ARHGEF12: variants seen among roughly 807,000 people sequenced by gnomAD.
ARHGEF12 encodes Rho guanine nucleotide exchange factor 12.
In ARHGEF12, 66 loss-of-function variants were observed where a neutral mutation model predicts 211.2. The observed-to-expected ratio is 0.31, with a 90% CI of 0.26 to 0.38. The LOEUF (loss-of-function observed/expected upper bound fraction) is 0.38. ARHGEF12 is among the 10% of genes least tolerant of loss of function. The pLI is 1.00. For synonymous variants in ARHGEF12, 592 were observed against 638.4 expected (o/e 0.93, Z 1.09); for missense variants, 1,429 against 1,869.5 (o/e 0.76, Z 4.34).
chr11:120,439,690 T>G (rs2135773522), intron 12 of ARHGEF12: 1 of 152,906 alleles, frequency 6.5e-6, no homozygotes, highest in African/African-American at 2.4e-5. Context: ...CTGCTCTTAT[T>G]TTTCCTTTCT....
At chr11:120,363,156 A>G (rs931525900) in intron 1 of ARHGEF12, among the ~76,000 whole-genome samples, 2 of 152,324 alleles carry the variant, frequency 1.3e-5, no homozygotes, top group Non-Finnish European at 2.9e-5. Context: ...AAAATTGGCA[A>G]ATGAATGTAC....
chr11:120,437,413 T>C (rs776923900), intron 12 of ARHGEF12, 31 bp downstream of exon 12: 1 of 1,552,160 alleles, frequency 6.4e-7, no homozygotes, highest in East Asian at 2.3e-5. Context: ...ATGATAGTGC[T>C]GTCTTTGGCT....
At chr11:120,448,120 G>T (rs1385462315) in intron 19 of ARHGEF12, 114 bp from the exon 20 acceptor site, 6 of 852,486 alleles carry the variant, frequency 7.0e-6, no homozygotes, top group Non-Finnish European at 1.1e-5. Flanking sequence ...TTTAGTGTTT[G>T]TTTGATTTAT....
At chr11:120,344,751 ATGTT>A (rs1386519856) in intron 1 of ARHGEF12, among the ~76,000 whole-genome samples, 4 of 152,212 alleles carry the variant, frequency 2.6e-5, no homozygotes, top group African/African-American at 9.7e-5. Context: ...AGTTAAATGA[ATGTT>A]TGTGAAGTGC....
chr11:120,411,620 C>T lies in ARHGEF12; in HGVS notation c.199+2170C>T, dbSNP rs1397970664. 2.9e-5 allele frequency: 3 copies of T among 105,010 alleles called. No individual in the cohort carries two copies. In the Admixed American group the frequency reaches 4.3e-4, roughly 15 times the overall value. 6.5% of individuals were successfully genotyped at this position (105,010 alleles called of 1,614,324 possible). ...TTTTTTTTTTTTTGAGACAAGATCT[C>T]GCTGTGTGGCCCAGGATGGAGTATA... On this transcript the variant is annotated intron_variant, in intron 4 of 40. Transcript: ENST00000397843.
At chr11:120,342,339 G>C (rs371689196) in intron 1 of ARHGEF12, among the ~76,000 whole-genome samples, 23 of 152,234 alleles carry the variant, frequency 1.5e-4, no homozygotes, top group African/African-American at 5.1e-4. Flanking sequence ...CTTGCTGTCA[G>C]GAAGTTTTTC....
intron 4 of ARHGEF12, chr11:120,411,430 C>G (rs1944877249): frequency 6.6e-6 from 1 of 151,936 alleles, no homozygotes; most frequent in African/African-American, 2.4e-5. Context: ...ATCATAGCAA[C>G]TGGTGACATT....
At chr11:120,434,886 A>C (rs894574642) in intron 11 of ARHGEF12, among the ~76,000 whole-genome samples, 14 of 152,208 alleles carry the variant, frequency 9.2e-5, no homozygotes, top group Non-Finnish European at 1.6e-4. Context: ...CTGAGAACCT[A>C]GTCTCAGCAG....
rs774824732 is a variant in ARHGEF12, at chr11:120,457,719, A to G, written c.2190-2A>G. The G allele has an allele frequency of 4.4e-6, 7 of 1,605,740 alleles. No homozygotes were observed. The highest frequency in any genetic ancestry group is 6.0e-6 in the Non-Finnish European group (7 of 1,176,030). On this transcript the variant is annotated splice_acceptor_variant, in intron 23 of 40. Coordinates refer to ENST00000397843, the MANE Select transcript of ARHGEF12 (RefSeq NM_015313.3). LOFTEE classifies it high-confidence loss of function. ...GTTACTCTTTACTTTCCATTGTTTT[A>G]GGGTGACTGAACATGGGACACCAAA...
At chr11:120,464,770 C>G in intron 27 of ARHGEF12, 1 of 154,454 alleles carries the variant, frequency 6.5e-6, no homozygotes, top group Non-Finnish European at 1.4e-5. Flanking sequence ...ACTTTGGGGA[C>G]ACCAAGGTGG....
At chr11:120,444,961 G>A (rs1173528939) in intron 15 of ARHGEF12, among the ~76,000 whole-genome samples, 1 of 152,152 alleles carries the variant, frequency 6.6e-6, no homozygotes, top group Non-Finnish European at 1.5e-5. Context: ...ATAGGAAAAC[G>A]ATTAGGAATA....
At position 120,485,434 on chromosome 11, in the gene ARHGEF12, C is replaced by T. The variant is rs1368267235; in HGVS notation, c.*357C>T. On this transcript the variant is annotated 3_prime_UTR_variant, in exon 41 of 41. Coordinates refer to ENST00000397843, the MANE Select transcript of ARHGEF12 (RefSeq NM_015313.3). ...CAGATGTATTTATTTGACTTCATTCCGTATTTGAAAGCACATTTTAATTTT... is the reference window on the plus strand; with the variant it reads ...CAGATGTATTTATTTGACTTCATTCTGTATTTGAAAGCACATTTTAATTTT... The T allele has an allele frequency of 2.7e-5, 7 of 256,424 alleles. No homozygotes were observed. Among genetic ancestry groups the T allele is most frequent in the African/African-American group, 1.3e-4 (6 of 46,058 alleles). The allele number at this position is 256,424 out of a possible 1,614,324, so 15.9% of individuals were successfully genotyped here.
intron 1 of ARHGEF12, among the ~76,000 whole-genome samples, chr11:120,355,948 A>G (rs537495204): frequency 6.6e-6 from 1 of 152,344 alleles, no homozygotes; most frequent in Admixed American, 6.5e-5. Context: ...ATTCAAGGCC[A>G]AAGGTAGAAT....
In ARHGEF12 at chr11:120,337,126, G is replaced by T; in HGVS notation, c.-118G>T. On this transcript the variant is annotated 5_prime_UTR_variant, in exon 1 of 41. Coordinates refer to ENST00000397843, the MANE Select transcript of ARHGEF12 (RefSeq NM_015313.3). ...TCTAGATGACTGAATGGAGTTTTGA[G>T]TTGGACTTTTGTGTCCCTGACGGAG... The T allele has an allele frequency of 7.9e-7, 1 of 1,265,276 alleles. No individual in the cohort carries two copies. Among genetic ancestry groups the T allele is most frequent in the Non-Finnish European group, 1.2e-6 (1 of 868,784 alleles). The allele number at this position is 1,265,276 out of a possible 1,614,324, so 78.4% of individuals were successfully genotyped here.
At chr11:120,371,143 G>A (rs1943577764) in intron 1 of ARHGEF12, among the ~76,000 whole-genome samples, 2 of 152,076 alleles carry the variant, frequency 1.3e-5, no homozygotes, top group South Asian at 4.1e-4. Context: ...GTTCTTTCTA[G>A]GGGAAAAAAA....
At chr11:120,376,905 T>C (rs1022812107) in intron 1 of ARHGEF12, among the ~76,000 whole-genome samples, 1 of 152,216 alleles carries the variant, frequency 6.6e-6, no homozygotes, top group South Asian at 2.1e-4. Context: ...TGTCTTTCGG[T>C]GTCTGGCCTA....
chr11:120,344,034 G>A (rs1372636828), intron 1 of ARHGEF12, among the ~76,000 whole-genome samples: 3 of 152,016 alleles, frequency 2.0e-5, no homozygotes, highest in Admixed American at 6.5e-5. Flanking sequence ...GGAAGGCTGA[G>A]GTGGGCGGAT....
chr11:120,410,106 G>A (rs142112648), intron 4 of ARHGEF12: 1 of 152,250 alleles, frequency 6.6e-6, no homozygotes, highest in East Asian at 1.9e-4. Flanking sequence ...TTAACAAAGA[G>A]CAAGTTTAAC....
At chr11:120,482,130 G>C (rs750715052) in intron 39 of ARHGEF12, among the ~76,000 whole-genome samples, 1 of 152,182 alleles carries the variant, frequency 6.6e-6, no homozygotes, top group Non-Finnish European at 1.5e-5. Flanking sequence ...GTTTGTATGG[G>C]TGTCTAAGTT....
Sources: gnomAD v4.1 joint callset for allele counts (sites outside exome capture counted in the v4.1 genomes callset) on GRCh38, gnomAD v4.1.1 for gene constraint, MANE v1.5 for transcripts, NCBI Gene and HGNC (gene_info 2026-07-23, HGNC 2026-07-21) for gene names.